The following PDE3A variants were observed in gnomAD, a reference collection of about 807,000 sequenced individuals.
PDE3A encodes the protein phosphodiesterase 3A.
PDE3A carries 43 observed loss-of-function variants against 98.3 expected under a neutral mutation model. The observed-to-expected ratio is 0.44, with a 90% CI of 0.34 to 0.56. The LOEUF is 0.56. Ranked by LOEUF, PDE3A falls within the 20% of genes least tolerant of loss-of-function variation. PDE3A has a pLI of 0.01. For synonymous variants in PDE3A, 663 were observed against 567.9 expected, an observed-to-expected ratio of 1.17 and a Z score of -2.38; for missense variants, 1,427 against 1,440.7, an observed-to-expected ratio of 0.99 and a Z score of 0.15.
chr12:20,402,355 G>A lies in PDE3A; in HGVS notation c.960+32111G>A, dbSNP rs376615751. ...GTACAGATGTGGTTTTGCTATGTTGGCCAGACTGGTCTCGAACTCCTGGCC... is the reference window on the plus strand; with the variant it reads ...GTACAGATGTGGTTTTGCTATGTTGACCAGACTGGTCTCGAACTCCTGGCC... On this transcript the variant is annotated intron_variant, in intron 1 of 15. Transcript: ENST00000359062. 4.6e-5 allele frequency among the ~76,000 whole-genome samples: 7 copies of A among 152,054 alleles called. No homozygotes were observed. In the East Asian group the frequency reaches 9.7e-4, roughly 21 times the overall value.
At chr12:20,427,587 GT>G (rs1944622006) in intron 1 of PDE3A, among the ~76,000 whole-genome samples, 2 of 152,132 alleles carry the variant, frequency 1.3e-5, no homozygotes, top group South Asian at 4.1e-4. Flanking sequence ...TAAGACATTG[GT>G]TTATGTTCAA....
chr12:20,644,208 G>A (rs903026706), intron 10 of PDE3A, among the ~76,000 whole-genome samples: 5 of 152,106 alleles, frequency 3.3e-5, no homozygotes, highest in Admixed American at 6.5e-5. Context: ...ATCTTCTACC[G>A]ATGGAGGCAG....
intron 15 of PDE3A, among the ~76,000 whole-genome samples, chr12:20,665,714 C>T (rs571577423): frequency 2.6e-5 from 4 of 152,102 alleles, no homozygotes; most frequent in South Asian, 2.1e-4. Flanking sequence ...TTAAATTCTT[C>T]GTCTACACTT....
At position 20,376,806 on chromosome 12, in the gene PDE3A, A is replaced by C. The variant is rs531921226; in HGVS notation, c.960+6562A>C. Among the ~76,000 whole-genome samples, 7 of 151,884 alleles carry C rather than the reference A, an allele frequency of 4.6e-5. No individual in the cohort carries two copies. In the South Asian group the frequency reaches 1.5e-3, roughly 31 times the overall value. On this transcript the variant is annotated intron_variant, in intron 1 of 15. Transcript: ENST00000359062. ...ATTAAAATATAAGTAAATAGGGTAT[A>C]ATATCAGAGGAGGTCATGAAGAACA... is the stretch of plus-strand genomic sequence containing the variant.
At chr12:20,610,353 T>C (rs919277355) in intron 2 of PDE3A, among the ~76,000 whole-genome samples, 1 of 151,934 alleles carries the variant, frequency 6.6e-6, no homozygotes, top group African/African-American at 2.4e-5. Context: ...AAGATATCAC[T>C]TCACTCCTGT....
At chr12:20,487,149 G>A (rs1339848501) in intron 1 of PDE3A, among the ~76,000 whole-genome samples, 1 of 37,386 alleles carries the variant, frequency 2.7e-5, no homozygotes, top group African/African-American at 4.5e-5. Flanking sequence ...AATTTGACTG[G>A]CGTAGTGTCT....
At chr12:20,665,937 T>C (rs1945296603) in intron 15 of PDE3A, among the ~76,000 whole-genome samples, 1 of 151,312 alleles carries the variant, frequency 6.6e-6, no homozygotes, top group South Asian at 2.1e-4. Context: ...AGAATATCTG[T>C]CACCTCGAGT....
At position 20,613,539 on chromosome 12, in the gene PDE3A, G is replaced by A. The variant is rs755596594; in HGVS notation, c.1108G>A (p.Val370Met). 3 of 1,614,122 alleles carry A rather than the reference G, an allele frequency of 1.9e-6. No individual in the cohort carries two copies. The South Asian group carries it at 3.3e-5, about 18-fold the overall frequency. The change falls in exon 3 of 16, where the codon GTG becomes ATG. Residue 370 changes from valine to methionine, a missense_variant. Around this residue, in one of 3 missense-constraint regions of PDE3A, gnomAD observed 1,012 missense variants for 886.5 expected, o/e 1.14. Coordinates refer to ENST00000359062, the MANE Select transcript of PDE3A (RefSeq NM_000921.5). ...GGCAGACCCTTCTCTTCCACCAAAC[G>A]TGTGCACATCCTTGAGAGCCGTGAG... ...LLADPSLPPN[V>M]CTSLRAVSNL...
chr12:20,616,148 A>C lies in PDE3A; in HGVS notation c.1270-82A>C, dbSNP rs1002571981. Reference sequence around the variant, plus strand: ...ATTTAGTCAATTCACTTCTAATTAAAAGCTTGTTTCCTTCTATTATATTAC... The same window carrying C: ...ATTTAGTCAATTCACTTCTAATTAACAGCTTGTTTCCTTCTATTATATTAC... On this transcript the variant is annotated intron_variant, in intron 3 of 15. Transcript: ENST00000359062. 3 of 1,264,828 alleles carry C rather than the reference A, an allele frequency of 2.4e-6. No individual in the cohort carries two copies. The African/African-American group carries it at 4.5e-5, about 19-fold the overall frequency. 78.4% of individuals were successfully genotyped at this position (1,264,828 alleles called of 1,614,324 possible). A position where few individuals can be genotyped will look rare whatever the true frequency, so the allele number is the denominator to read the frequency against.
At chr12:20,382,965 A>T (rs1030860458) in intron 1 of PDE3A, among the ~76,000 whole-genome samples, 1 of 152,002 alleles carries the variant, frequency 6.6e-6, no homozygotes. Context: ...TAATTAAAAC[A>T]GTATTAGGGA....
In PDE3A at chr12:20,630,720, T is replaced by G. The variant is rs112953592; in HGVS notation, c.1760+593T>G. 3.3e-5 allele frequency among the ~76,000 whole-genome samples: 5 copies of G among 152,338 alleles called. 1 individual carries two copies. The highest frequency in any genetic ancestry group is 1.2e-4 in the African/African-American group (5 of 41,578). On this transcript the variant is annotated intron_variant, in intron 6 of 15. Transcript: ENST00000359062. ...AAATGGCCTAGCATGGCTGGAGTAA[T>G]TATTTTGCCAATGTTGTCACGAAGA... is the stretch of plus-strand genomic sequence containing the variant.
chr12:20,436,746 G>A (rs750291717), intron 1 of PDE3A, among the ~76,000 whole-genome samples: 1 of 152,154 alleles, frequency 6.6e-6, no homozygotes. Flanking sequence ...CTCGTAGAGG[G>A]GAATTGAGAG....
Position 20,369,492 on chromosome 12 carries a change from C to G in PDE3A, c.208C>G (p.Leu70Val). Residue 70 changes from leucine (L) to valine (V), a missense_variant, in exon 1 of 16, where the codon CTG becomes GTG. Leu to Val is a conservative substitution (Grantham distance 32). Transcript: ENST00000359062. ...TTCCTCCGCGCTGTGCGCGGGCTCC[C>G]TGTCCTTTCTGCTGGCGCTGCTGGT... is the stretch of plus-strand genomic sequence containing the variant. Reference protein sequence around the residue: ...KLSSALCAGSLSFLLALLVRL... With the variant: ...KLSSALCAGSVSFLLALLVRL... 3.9e-6 allele frequency: 6 copies of G among 1,557,880 alleles called. No individual in the cohort carries two copies. Among genetic ancestry groups the G allele is most frequent in the Non-Finnish European group, 4.3e-6 (5 of 1,151,050 alleles).
rs900941816 is a variant in PDE3A, at chr12:20,391,898, T to C, written c.960+21654T>C. On this transcript the variant is annotated intron_variant, in intron 1 of 15. Coordinates refer to ENST00000359062, the MANE Select transcript of PDE3A (RefSeq NM_000921.5). ...GGCTGTCACCTCTTTTGTAGAACAA[T>C]AATTTGTGAACCTTTTTTACAATAT... is the stretch of plus-strand genomic sequence containing the variant. Among the ~76,000 whole-genome samples the C allele has an allele frequency of 8.6e-5, 13 of 151,846 alleles. No individual in the cohort carries two copies. The East Asian group carries it at 2.3e-3, about 27-fold the overall frequency.
chr12:20,664,014 G>A (rs889785670), intron 15 of PDE3A, among the ~76,000 whole-genome samples: 10 of 152,066 alleles, frequency 6.6e-5, no homozygotes, highest in African/African-American at 2.4e-4. Context: ...TCATGCTGCT[G>A]TTCTTGTTAT....
intron 1 of PDE3A, among the ~76,000 whole-genome samples, chr12:20,514,041 C>T (rs569281639): frequency 6.6e-6 from 1 of 152,336 alleles, no homozygotes; most frequent in South Asian, 2.1e-4. Flanking sequence ...CCAACCTTGG[C>T]TGCACATTAA....
At chr12:20,390,982 T>A (rs146734658) in intron 1 of PDE3A, among the ~76,000 whole-genome samples, 180 of 152,000 alleles carry the variant, frequency 1.2e-3, no homozygotes, top group Middle Eastern at 3.4e-3. Context: ...ATCCTACCGA[T>A]GAAAGATATT....
At chr12:20,475,388 C>T (rs1449755128) in intron 1 of PDE3A, among the ~76,000 whole-genome samples, 3 of 151,994 alleles carry the variant, frequency 2.0e-5, no homozygotes, top group Non-Finnish European at 4.4e-5. Flanking sequence ...CAAAAAGATA[C>T]GGAGGCTTTT....
intron 1 of PDE3A, among the ~76,000 whole-genome samples, chr12:20,498,980 T>C (rs1332545939): frequency 6.6e-6 from 1 of 152,176 alleles, no homozygotes; most frequent in Non-Finnish European, 1.5e-5. Flanking sequence ...ATCATCTGTA[T>C]GTTATACTTT....
Sources: gnomAD v4.1 joint callset for allele counts (sites outside exome capture counted in the v4.1 genomes callset) on GRCh38, gnomAD v4.1.1 for gene constraint, gnomAD v4.1.1 regional missense constraint, MANE v1.5 for transcripts, NCBI Gene and HGNC (gene_info 2026-07-23, HGNC 2026-07-21) for gene names.